The following DIAPH3 variants were observed in gnomAD, a reference collection of about 807,000 sequenced individuals.
DIAPH3 encodes the protein protein diaphanous homolog 3.
In DIAPH3, 117 loss-of-function variants were observed where a neutral mutation model predicts 144.3. The observed-to-expected ratio is 0.81, with a 90% CI of 0.70 to 0.95. The LOEUF (loss-of-function observed/expected upper bound fraction) is 0.95. Among genes scored for constraint, DIAPH3 ranks in the 40% least tolerant of loss-of-function variants. The pLI is 0.00. For missense variants in DIAPH3, 1,421 were observed against 1,412.7 expected, an observed-to-expected ratio of 1.01 and a Z score of -0.09; for synonymous variants, 519 against 488.9, an observed-to-expected ratio of 1.06 and a Z score of -0.81.
At chr13:60,086,825 C>A (rs2057762011) in intron 4 of DIAPH3, among the ~76,000 whole-genome samples, 1 of 152,020 alleles carries the variant, frequency 6.6e-6, no homozygotes, top group Non-Finnish European at 1.5e-5. Context: ...ATTAAAACTC[C>A]CTACTAATAT....
intron 25 of DIAPH3, among the ~76,000 whole-genome samples, chr13:59,809,065 T>A (rs2040332211): frequency 6.6e-6 from 1 of 152,230 alleles, no homozygotes; most frequent in Non-Finnish European, 1.5e-5. Flanking sequence ...TTCTTTGCCC[T>A]ATCAAGTTTC....
At chr13:59,852,250 C>T (rs549257485) in intron 22 of DIAPH3, among the ~76,000 whole-genome samples, 109 of 152,222 alleles carry the variant, frequency 7.2e-4, no homozygotes, top group Non-Finnish European at 1.1e-3. Context: ...AGGACGATTA[C>T]CCAATATCTT....
At chr13:59,749,596 G>A (rs994803778) in intron 27 of DIAPH3, among the ~76,000 whole-genome samples, 1 of 149,348 alleles carries the variant, frequency 6.7e-6, no homozygotes, top group East Asian at 2.0e-4. Context: ...ATATCCAATA[G>A]GGCTTATGAA....
intron 24 of DIAPH3, among the ~76,000 whole-genome samples, chr13:59,821,882 GA>G (rs2139641457): frequency 6.6e-6 from 1 of 152,296 alleles, no homozygotes; most frequent in East Asian, 1.9e-4. Context: ...TGAAACTTAT[GA>G]AAATGGGAAA....
chr13:59,992,295 C>T (rs1158152927), intron 10 of DIAPH3, 109 bp from the exon 11 acceptor site: 5 of 1,085,214 alleles, frequency 4.6e-6, no homozygotes, highest in South Asian at 4.2e-5. Flanking sequence ...TTATAGCATT[C>T]GAACATTTAA....
chr13:60,028,374 A>C (rs1207351911), intron 5 of DIAPH3, among the ~76,000 whole-genome samples: 1 of 151,848 alleles, frequency 6.6e-6, no homozygotes, highest in Non-Finnish European at 1.5e-5. Context: ...AGTTCCAATA[A>C]TATCATCTTG....
intron 4 of DIAPH3, among the ~76,000 whole-genome samples, chr13:60,046,517 T>G (rs1321047515): frequency 6.6e-6 from 1 of 152,210 alleles, no homozygotes; most frequent in Admixed American, 6.5e-5. Context: ...ACTTTTACAC[T>G]GTTGGTGAGA....
chr13:59,727,181 C>T (rs1196782154), intron 27 of DIAPH3, among the ~76,000 whole-genome samples: 1 of 152,150 alleles, frequency 6.6e-6, no homozygotes, highest in Non-Finnish European at 1.5e-5. Flanking sequence ...TTACTCTCCC[C>T]TGACAACAGC....
chr13:59,857,443 G>C (rs2043320447), intron 22 of DIAPH3, among the ~76,000 whole-genome samples: 1 of 152,106 alleles, frequency 6.6e-6, no homozygotes, highest in African/African-American at 2.4e-5. Flanking sequence ...CTTAGAAGCA[G>C]AAAGCATAGT....
chr13:59,890,362 T>C (rs181993559), intron 20 of DIAPH3, among the ~76,000 whole-genome samples: 1 of 152,154 alleles, frequency 6.6e-6, no homozygotes, highest in Non-Finnish European at 1.5e-5. Flanking sequence ...AAAGGCTGAG[T>C]ATTCATGAAA....
At chr13:59,711,701 A>T (rs1374688643) in intron 27 of DIAPH3, among the ~76,000 whole-genome samples, 1 of 152,256 alleles carries the variant, frequency 6.6e-6, no homozygotes, top group Non-Finnish European at 1.5e-5. Context: ...CAGAGAACTT[A>T]ATAATTTTTG....
At chr13:59,821,746 A>G (rs968843652) in intron 24 of DIAPH3, among the ~76,000 whole-genome samples, 8 of 152,210 alleles carry the variant, frequency 5.3e-5, no homozygotes, top group Non-Finnish European at 1.2e-4. Context: ...TTCTAGTATT[A>G]CCAAATCCAA....
At chr13:59,985,761 T>G (rs2051355960) in intron 12 of DIAPH3, among the ~76,000 whole-genome samples, 5 of 94,856 alleles carry the variant, frequency 5.3e-5, no homozygotes, top group South Asian at 8.2e-4. Context: ...GAATCCAACT[T>G]ACAAGGGATG....
intron 2 of DIAPH3, among the ~76,000 whole-genome samples, chr13:60,118,368 A>G (rs1466492737): frequency 6.6e-6 from 1 of 152,206 alleles, no homozygotes; most frequent in Non-Finnish European, 1.5e-5. Flanking sequence ...AAAGGAAAAT[A>G]TAATTAGTCA....
chr13:60,160,467 C>T (rs1054841894), intron 1 of DIAPH3, among the ~76,000 whole-genome samples: 1 of 152,148 alleles, frequency 6.6e-6, no homozygotes, highest in Non-Finnish European at 1.5e-5. Context: ...CTTCTAGAAG[C>T]CACATGTCCT....
chr13:60,113,398 G>T (rs2058621462), intron 2 of DIAPH3, among the ~76,000 whole-genome samples: 1 of 152,060 alleles, frequency 6.6e-6, no homozygotes, highest in Non-Finnish European at 1.5e-5. Flanking sequence ...AAAGAAATAG[G>T]ATTTCTTCAA....
intron 20 of DIAPH3, among the ~76,000 whole-genome samples, chr13:59,897,930 G>C (rs532031541): frequency 1.3e-5 from 2 of 151,402 alleles, no homozygotes; most frequent in Non-Finnish European, 2.9e-5. Context: ...TCAGGAGTTC[G>C]AGACCAGCCT....
intron 22 of DIAPH3, among the ~76,000 whole-genome samples, chr13:59,857,424 A>C (rs1362981287): frequency 1.3e-5 from 2 of 152,204 alleles, no homozygotes; most frequent in African/African-American, 4.8e-5. Context: ...AAAAACATAT[A>C]AACAGAGTCT....
intron 19 of DIAPH3, among the ~76,000 whole-genome samples, chr13:59,913,503 C>T (rs1300744345): frequency 6.6e-6 from 1 of 152,166 alleles, no homozygotes; most frequent in Non-Finnish European, 1.5e-5. Context: ...TTTACATACC[C>T]TTGCCTCCAC....
Sources: allele counts gnomAD v4.1 joint callset (sites outside exome capture counted in the v4.1 genomes callset), GRCh38; gene constraint gnomAD v4.1.1; transcripts MANE v1.5; gene names NCBI Gene and HGNC (gene_info 2026-07-23, HGNC 2026-07-21).